ASNS: variants seen among roughly 807,000 people sequenced by gnomAD.
The protein encoded by ASNS is asparagine synthetase [glutamine-hydrolyzing].
In ASNS, 37 loss-of-function variants were observed where a neutral mutation model predicts 62.6. The ratio of observed to expected loss-of-function variants is 0.59; its 90% CI spans 0.45 to 0.78. The LOEUF (loss-of-function observed/expected upper bound fraction) is 0.78, where lower values mean the gene tolerates loss of function less well. ASNS is among the 30% of genes least tolerant of loss of function. The pLI, the probability that ASNS is intolerant of heterozygous loss-of-function variation, is 0.00. For synonymous variants in ASNS, 207 were observed against 237.9 expected (o/e 0.87, Z 1.19); for missense variants, 520 against 682.4 (o/e 0.76, Z 2.65).
Position 97,858,882 on chromosome 7 carries a change from T to C in ASNS, c.747A>G (p.Thr249=), listed in dbSNP as rs2115654646. 6.2e-7 allele frequency: 1 copy of C among 1,613,396 alleles called. No homozygotes were observed. Among genetic ancestry groups the C allele is most frequent in the East Asian group, 2.2e-5 (1 of 44,856 alleles). Residue 249 remains threonine (T), a synonymous_variant, in exon 6 of 13, where the codon ACA becomes ACG. Transcript: ENST00000394308. The part of the protein sequence containing the change: ...FNNAVKKRLM[T]DRRIGCLLSG... ...ATAAAAGGCAGCCAATCCTTCTGTC[T>C]GTCATCAAACGTTTCTTTACAGCAT...
the ASNS span, among the ~76,000 whole-genome samples, chr7:97,877,674 C>T: frequency 6.6e-6 from 1 of 152,144 alleles, no homozygotes; most frequent in East Asian, 1.9e-4. Flanking sequence ...CCTCCAAAGA[C>T]AGTTCACAGC....
At chr7:97,917,518 C>T in the ASNS span, among the ~76,000 whole-genome samples, 1 of 152,226 alleles carries the variant, frequency 6.6e-6, no homozygotes, top group Admixed American at 6.5e-5. Flanking sequence ...AGGATGCTGA[C>T]CTGCACTTCC....
At chr7:97,875,887 T>G (rs200040293), upstream of ASNS, among the ~76,000 whole-genome samples, 1 of 152,042 alleles carries the variant, frequency 6.6e-6, no homozygotes, top group Non-Finnish European at 1.5e-5. Flanking sequence ...GACAGAGTCT[T>G]ACTCTCTTGC....
the ASNS span, among the ~76,000 whole-genome samples, chr7:97,896,665 T>C: frequency 2.2e-5 from 3 of 136,298 alleles, no homozygotes; most frequent in East Asian, 6.4e-4. Flanking sequence ...TACGTATATA[T>C]GTATATGTGT....
chr7:97,890,676 G>A, the ASNS span, among the ~76,000 whole-genome samples: 1 of 152,142 alleles, frequency 6.6e-6, no homozygotes, highest in Admixed American at 6.5e-5. Flanking sequence ...GATCCCAGGA[G>A]TTCAAGGCTG....
chr7:97,917,652 G>A, the ASNS span, among the ~76,000 whole-genome samples: 8 of 152,312 alleles, frequency 5.3e-5, no homozygotes, highest in East Asian at 1.5e-3. Flanking sequence ...CCTATTAGAA[G>A]CCCCACTTCT....
the ASNS span, chr7:97,913,054 G>C: frequency 6.6e-6 from 1 of 151,698 alleles, no homozygotes; most frequent in East Asian, 1.9e-4. Context: ...TGGGAGAGAA[G>C]CAGATGTGGT....
the ASNS span, among the ~76,000 whole-genome samples, chr7:97,887,796 T>C: frequency 2.6e-5 from 4 of 152,380 alleles, no homozygotes; most frequent in South Asian, 8.3e-4. Context: ...AACTAACTGA[T>C]ACAAGGGTCA....
chr7:97,901,471 G>C, the ASNS span, among the ~76,000 whole-genome samples: 3 of 152,252 alleles, frequency 2.0e-5, no homozygotes, highest in South Asian at 6.2e-4. Context: ...GGCATTACAG[G>C]CATGAGCCAC....
chr7:97,925,159 A>G, the ASNS span, among the ~76,000 whole-genome samples: 2,422 of 99,630 alleles, frequency 0.024, no homozygotes, highest in East Asian at 0.073. Context: ...AAATAAATAA[A>G]TGCTATGCCC....
Position 97,854,684 on chromosome 7 carries a change from T to G in ASNS, c.1138-4A>C, listed in dbSNP as rs1329970496. On this transcript the variant is annotated splice_region_variant and splice_polypyrimidine_tract_variant and intron_variant, in intron 9 of 12. Transcript: ENST00000394308. ...CGGCTTTTTCAGGAGAAGGAGCCTA[T>G]TTCACAAACAAAAACACCAAGAGTT... 1 of 1,613,946 alleles carries G rather than the reference T, an allele frequency of 6.2e-7. No individual in the cohort carries two copies. The highest frequency in any genetic ancestry group is 2.2e-5 in the East Asian group (1 of 44,886).
the ASNS span, chr7:97,886,002 G>A: frequency 6.1e-5 from 37 of 606,330 alleles, no homozygotes; most frequent in Admixed American, 5.9e-4. Flanking sequence ...TGATGCCTGG[G>A]TGCCCAATGA....
At chr7:97,861,905 A>G (rs867045022) in intron 4 of ASNS, among the ~76,000 whole-genome samples, 1 of 152,118 alleles carries the variant, frequency 6.6e-6, no homozygotes, top group African/African-American at 2.4e-5. Context: ...TAAGTATTTT[A>G]TTCTTTTTGA....
At chr7:97,922,044 T>A in the ASNS span, among the ~76,000 whole-genome samples, 2 of 152,166 alleles carry the variant, frequency 1.3e-5, no homozygotes, top group Non-Finnish European at 2.9e-5. Context: ...AAATACCACA[T>A]GATCTCACTT....
At chr7:97,893,031 A>C in the ASNS span, among the ~76,000 whole-genome samples, 1 of 152,260 alleles carries the variant, frequency 6.6e-6, no homozygotes, top group East Asian at 1.9e-4. Flanking sequence ...AAATTTACAA[A>C]AGAAAGAGGT....
At chr7:97,916,653 G>A in the ASNS span, among the ~76,000 whole-genome samples, 1 of 152,182 alleles carries the variant, frequency 6.6e-6, no homozygotes, top group Admixed American at 6.5e-5. Flanking sequence ...TCACCAGGAG[G>A]GAGAAGCTTC....
At chr7:97,859,037 CATCT>C in intron 5 of ASNS, 82 bp from the exon 6 acceptor site, 1 of 1,420,258 alleles carries the variant, frequency 7.0e-7, no homozygotes, top group Admixed American at 1.9e-5. Context: ...CAATCATCAA[CATCT>C]ATCATGATGG....
chr7:97,872,610 T>C (rs1376531609), upstream of ASNS: 1 of 152,294 alleles, frequency 6.6e-6, no homozygotes, highest in African/African-American at 2.4e-5. Context: ...TCAGTGCGCC[T>C]GTTTAAGGAT....
chr7:97,864,552 T>C (rs1341635769), intron 3 of ASNS, 56 bp from the exon 4 acceptor site: 1 of 1,218,668 alleles, frequency 8.2e-7, no homozygotes, highest in African/African-American at 1.5e-5. Context: ...TCACTAATAA[T>C]TTTTTATTGC....
Sources: gnomAD v4.1 joint callset for allele counts (sites outside exome capture counted in the v4.1 genomes callset) on GRCh38, gnomAD v4.1.1 for gene constraint, MANE v1.5 for transcripts, NCBI Gene and HGNC (gene_info 2026-07-23, HGNC 2026-07-21) for gene names.